The following UBE2E1 variants were observed in gnomAD, a reference collection of about 807,000 sequenced individuals.
UBE2E1 encodes ubiquitin conjugating enzyme E2 E1, also known as ubiquitin-conjugating enzyme E2 E1.
A neutral mutation model predicts 21.4 loss-of-function variants in UBE2E1; 6 were observed. The observed-to-expected ratio is 0.28, with a 90% confidence interval of 0.15 to 0.55. UBE2E1 has a LOEUF of 0.55. Ranked by LOEUF, UBE2E1 falls within the 20% of genes least tolerant of loss-of-function variation. The probability of loss-of-function intolerance (pLI) is 0.93; values close to 1 mark genes in which losing one functional copy is unlikely to be tolerated. For synonymous variants in UBE2E1, 87 were observed against 82.7 expected (o/e 1.05, Z -0.28); for missense variants, 142 against 236.5 (o/e 0.60, Z 2.62).
chr3:23,887,426 C>A lies in UBE2E1; in HGVS notation c.204-141C>A. 8.6e-7 allele frequency: 1 copy of A among 1,166,832 alleles called. No individual in the cohort carries two copies. Among genetic ancestry groups the A allele is most frequent in the Non-Finnish European group, 1.2e-6 (1 of 867,494 alleles). The allele number at this position is 1,166,832 out of a possible 1,614,324, so 72.3% of individuals were successfully genotyped here. ...CTATGGGTTTGTTGCAGTTCTGCAT[C>A]CGTTTCTGTACTTGTTTTGTAAAGA... On this transcript the variant is annotated intron_variant, in intron 3 of 5. Coordinates refer to ENST00000306627, the MANE Select transcript of UBE2E1 (RefSeq NM_003341.5). The surrounding 1 kb of genome is among the most constrained non-coding windows in gnomAD (Gnocchi z 4.4).
At chr3:23,857,778 C>T (rs2125311537) in intron 3 of UBE2E1, among the ~76,000 whole-genome samples, 1 of 152,284 alleles carries the variant, frequency 6.6e-6, no homozygotes, top group Non-Finnish European at 1.5e-5. Context: ...AGCGTGTGCT[C>T]CTCAGGAATG....
rs1457034608 is a variant in UBE2E1, at chr3:23,816,496, G to C, written c.203+4986G>C. 2.0e-5 allele frequency among the ~76,000 whole-genome samples: 3 copies of C among 151,866 alleles called. No homozygotes were observed. Among genetic ancestry groups the C allele is most frequent in the Non-Finnish European group, 2.9e-5 (2 of 67,968 alleles). On this transcript the variant is annotated intron_variant, in intron 3 of 5. Transcript: ENST00000306627. This position sits in a 1 kb window ranked among gnomAD's most constrained non-coding sequence, Gnocchi z 4.8. ...CTGAGGCAGGCGGATCACGAGGTCA[G>C]GAGATCGACACCATCGTGGCGAACA...
intron 4 of UBE2E1, among the ~76,000 whole-genome samples, chr3:23,888,899 G>T (rs1269048452): frequency 6.6e-6 from 1 of 152,190 alleles, no homozygotes; most frequent in Non-Finnish European, 1.5e-5. Flanking sequence ...AGGAAGTACT[G>T]AACTTACCGT....
chr3:23,817,803 G>A (rs941923464), intron 3 of UBE2E1, among the ~76,000 whole-genome samples: 2 of 152,190 alleles, frequency 1.3e-5, no homozygotes, highest in Non-Finnish European at 2.9e-5. Flanking sequence ...AGAAACATTA[G>A]TGGGAGAATA....
At chr3:23,859,537 T>A (rs6779537) in intron 3 of UBE2E1, among the ~76,000 whole-genome samples, 84,807 of 152,062 alleles carry the variant, frequency 0.56, 23,835 homozygotes, top group Middle Eastern at 0.65. Context: ...ATGAAGCTTC[T>A]CTCACCTGAG....
At position 23,882,003 on chromosome 3, in the gene UBE2E1, T is replaced by C. The variant is rs113394303; in HGVS notation, c.204-5564T>C. Among the ~76,000 whole-genome samples the C allele has an allele frequency of 6.7e-3, 1,023 of 152,166 alleles. 17 individuals carry two copies. The highest frequency in any genetic ancestry group is 0.054 in the South Asian group (263 of 4,828). ...TTCGTGGTTTTGCTGGCCTCAGGAG[T>C]GAAGCTGCAGACCTTCGCGGTGAGT... On this transcript the variant is annotated intron_variant, in intron 3 of 5. Transcript: ENST00000306627.
At chr3:23,856,734 A>G (rs115667813) in intron 3 of UBE2E1, among the ~76,000 whole-genome samples, 2 of 152,286 alleles carry the variant, frequency 1.3e-5, no homozygotes, top group South Asian at 2.1e-4. Flanking sequence ...AGCGCTTTAG[A>G]AAAGTGAGAG....
At chr3:23,889,440 T>C (rs1163073696) in intron 5 of UBE2E1, 181 bp downstream of exon 5, 23 of 1,452,944 alleles carry the variant, frequency 1.6e-5, no homozygotes, top group Admixed American at 8.4e-5. Context: ...CACAACTTCA[T>C]TAATCAGTAT....
At chr3:23,880,946 C>T (rs1209209706) in intron 3 of UBE2E1, among the ~76,000 whole-genome samples, 1 of 152,192 alleles carries the variant, frequency 6.6e-6, no homozygotes, top group Non-Finnish European at 1.5e-5. Context: ...GCAAAAGTTA[C>T]TACCAGTTGA....
chr3:23,843,378 G>A (rs867697490), intron 3 of UBE2E1, among the ~76,000 whole-genome samples: 1 of 152,142 alleles, frequency 6.6e-6, no homozygotes, highest in African/African-American at 2.4e-5. Context: ...CCATTGAGTT[G>A]CACAACTGTG....
chr3:23,846,628 G>C (rs1055819586), intron 3 of UBE2E1, among the ~76,000 whole-genome samples: 3 of 150,052 alleles, frequency 2.0e-5, no homozygotes, highest in Non-Finnish European at 4.4e-5. Context: ...CCCAGGGGGC[G>C]GAGGCTGCAG....
chr3:23,885,317 C>T (rs1024356616), intron 3 of UBE2E1, among the ~76,000 whole-genome samples: 2 of 152,088 alleles, frequency 1.3e-5, no homozygotes, highest in Non-Finnish European at 2.9e-5. Flanking sequence ...ATAAAAGTTT[C>T]GAGGGGATGC....
At chr3:23,807,562 C>T (rs2125277369) in intron 2 of UBE2E1, 141 bp downstream of exon 2, 3 of 1,072,048 alleles carry the variant, frequency 2.8e-6, no homozygotes, top group Non-Finnish European at 2.5e-6. Flanking sequence ...GCCTTGGAAG[C>T]CCTAATTATT....
At chr3:23,860,045 G>A (rs1421770580) in intron 3 of UBE2E1, among the ~76,000 whole-genome samples, 2 of 152,184 alleles carry the variant, frequency 1.3e-5, no homozygotes, top group Non-Finnish European at 2.9e-5. Context: ...CACAGCAGAT[G>A]TGTAAGGATG....
At position 23,816,659 on chromosome 3, in the gene UBE2E1, A is replaced by G. The variant is rs1240810825; in HGVS notation, c.203+5149A>G. ...GAGGCGGAGCTTGCTGTGAGCAGAG[A>G]TCGCACCACTGCACTCCAGCCTGGG... On this transcript the variant is annotated intron_variant, in intron 3 of 5. Transcript: ENST00000306627. This position sits in a 1 kb window ranked among gnomAD's most constrained non-coding sequence, Gnocchi z 4.8. Among the ~76,000 whole-genome samples, 3 of 152,182 alleles carry G rather than the reference A, an allele frequency of 2.0e-5. No homozygotes were observed. The highest frequency in any genetic ancestry group is 7.2e-5 in the African/African-American group (3 of 41,438).
At chr3:23,872,159 T>G (rs926187703) in intron 3 of UBE2E1, among the ~76,000 whole-genome samples, 6 of 152,184 alleles carry the variant, frequency 3.9e-5, no homozygotes, top group Admixed American at 3.9e-4. Flanking sequence ...TCACTCGCTG[T>G]TAGGAGCTGG....
chr3:23,875,813 C>T (rs369088590), intron 3 of UBE2E1, among the ~76,000 whole-genome samples: 15 of 152,250 alleles, frequency 9.9e-5, no homozygotes, highest in Non-Finnish European at 1.2e-4. Flanking sequence ...CGCTCTGTCG[C>T]CCAGGCTGGA....
At chr3:23,868,814 A>G (rs1700713582) in intron 3 of UBE2E1, among the ~76,000 whole-genome samples, 1 of 152,070 alleles carries the variant, frequency 6.6e-6, no homozygotes, top group Non-Finnish European at 1.5e-5. Context: ...AAGTTCGGGT[A>G]TATTTATATC....
chr3:23,850,288 A>C (rs1700295123), intron 3 of UBE2E1, among the ~76,000 whole-genome samples: 1 of 152,102 alleles, frequency 6.6e-6, no homozygotes, highest in South Asian at 2.1e-4. Context: ...CGTGTGAGCC[A>C]CTGTGCCTGG....
Sources: allele counts gnomAD v4.1 joint callset (sites outside exome capture counted in the v4.1 genomes callset), GRCh38; gene constraint gnomAD v4.1.1; non-coding constraint Gnocchi (gnomAD v3.1); transcripts MANE v1.5; gene names NCBI Gene and HGNC (gene_info 2026-07-23, HGNC 2026-07-21).